Variants in SATB2 observed in about 807,000 individuals in gnomAD.
The protein encoded by SATB2 is DNA-binding protein SATB2.
Under a neutral mutation model 73.4 loss-of-function variants are expected in SATB2, and 1 was observed. The ratio of observed to expected loss-of-function variants is 0.01; its 90% confidence interval spans 0.00 to 0.06. The LOEUF (loss-of-function observed/expected upper bound fraction) is 0.06. Ranked by LOEUF, SATB2 falls within the 10% of genes least tolerant of loss-of-function variation. The pLI, the probability that SATB2 is intolerant of heterozygous loss-of-function variation, is 1.00. For missense variants in SATB2, 459 were observed against 945.8 expected, an observed-to-expected ratio of 0.49 and a Z score of 6.75; for synonymous variants, 397 against 367.0, an observed-to-expected ratio of 1.08 and a Z score of -0.93.
At chr2:199,301,191 G>A (rs1473386311) in intron 10 of SATB2, among the ~76,000 whole-genome samples, 1 of 152,092 alleles carries the variant, frequency 6.6e-6, no homozygotes, top group Admixed American at 6.5e-5. Flanking sequence ...TAAAAAGGTA[G>A]AATACTCTGG....
intron 10 of SATB2, among the ~76,000 whole-genome samples, chr2:199,279,917 G>A (rs1249153468): frequency 6.6e-6 from 1 of 152,198 alleles, no homozygotes; most frequent in Non-Finnish European, 1.5e-5. Flanking sequence ...AAGGCGGGCG[G>A]ATCACTTGAG....
intron 3 of SATB2, among the ~76,000 whole-genome samples, chr2:199,386,710 G>GCACA (rs1689961913): frequency 1.1e-5 from 1 of 90,568 alleles, no homozygotes; most frequent in African/African-American, 4.3e-5. Context: ...GCGCGCGCGC[G>GCACA]CGCGCGCACA....
intron 3 of SATB2, among the ~76,000 whole-genome samples, chr2:199,408,973 A>G (rs1009205505): frequency 6.6e-6 from 1 of 152,114 alleles, no homozygotes; most frequent in East Asian, 1.9e-4. Context: ...TTATGGCTCT[A>G]CGATAATCCC....
At chr2:199,389,279 TA>T (rs1213794477) in intron 3 of SATB2, among the ~76,000 whole-genome samples, 1 of 152,164 alleles carries the variant, frequency 6.6e-6, no homozygotes, top group Non-Finnish European at 1.5e-5. Flanking sequence ...CTTGTTGGAA[TA>T]AACCTAACTC....
chr2:199,371,107 T>C (rs892022600), intron 5 of SATB2, among the ~76,000 whole-genome samples: 2 of 152,166 alleles, frequency 1.3e-5, no homozygotes, highest in Admixed American at 1.3e-4. Flanking sequence ...TGATAAGAAT[T>C]GTTATAGTCC....
At chr2:199,417,478 A>G (rs1691029458) in intron 3 of SATB2, among the ~76,000 whole-genome samples, 1 of 152,218 alleles carries the variant, frequency 6.6e-6, no homozygotes, top group Non-Finnish European at 1.5e-5. Context: ...AATGGAAGGG[A>G]AAATCATCTG....
chr2:199,467,027 C>G (rs143562394), upstream of SATB2, among the ~76,000 whole-genome samples: 2,390 of 152,376 alleles, frequency 0.016, 33 homozygotes, highest in South Asian at 0.035. Flanking sequence ...ACGTGCGGCC[C>G]CGGCTGGCCG....
chr2:199,306,415 C>T (rs1687434178), intron 10 of SATB2, among the ~76,000 whole-genome samples: 1 of 152,122 alleles, frequency 6.6e-6, no homozygotes. Flanking sequence ...AGGTCAACAG[C>T]TGAGGCAAAT....
At chr2:199,418,489 T>A (rs1425002053) in intron 3 of SATB2, among the ~76,000 whole-genome samples, 1 of 152,192 alleles carries the variant, frequency 6.6e-6, no homozygotes, top group African/African-American at 2.4e-5. Context: ...GAAATTATTT[T>A]AAAAACTAAT....
chr2:199,423,431 T>C (rs1231528548), intron 3 of SATB2, among the ~76,000 whole-genome samples: 1 of 151,956 alleles, frequency 6.6e-6, no homozygotes, highest in Non-Finnish European at 1.5e-5. Context: ...AAAGTAAGAG[T>C]GGTAAAATTC....
intron 6 of SATB2, among the ~76,000 whole-genome samples, chr2:199,350,984 C>A (rs887697119): frequency 2.8e-5 from 4 of 145,014 alleles, no homozygotes; most frequent in Non-Finnish European, 6.0e-5. Flanking sequence ...GAGTAGAAAT[C>A]ACACCACTGC....
intron 7 of SATB2, among the ~76,000 whole-genome samples, chr2:199,332,869 A>C (rs1446466468): frequency 6.6e-6 from 1 of 152,130 alleles, no homozygotes; most frequent in Admixed American, 6.6e-5. Context: ...TGTCTGGGAC[A>C]GGTGAGAAAT....
chr2:199,454,243 T>G (rs1042000297), intron 2 of SATB2, among the ~76,000 whole-genome samples: 3 of 152,104 alleles, frequency 2.0e-5, no homozygotes, highest in Non-Finnish European at 4.4e-5. Context: ...ACAGCTCCTT[T>G]CAATTTAGTG....
chr2:199,381,972 G>A (rs1438068863), intron 3 of SATB2, 152 bp from the exon 4 acceptor site: 2 of 832,634 alleles, frequency 2.4e-6, no homozygotes, highest in Non-Finnish European at 3.9e-6. Context: ...TTTCTTTCTG[G>A]CCGACAATTG....
At chr2:199,291,895 A>G (rs1267146658) in intron 10 of SATB2, among the ~76,000 whole-genome samples, 1 of 152,070 alleles carries the variant, frequency 6.6e-6, no homozygotes, top group Non-Finnish European at 1.5e-5. Context: ...TGGGGGACAC[A>G]GCAAGACTCT....
In SATB2 at chr2:199,388,059, G is replaced by C. The variant is rs974504490; in HGVS notation, c.347-6239C>G. 3.3e-5 allele frequency among the ~76,000 whole-genome samples: 5 copies of C among 152,066 alleles called. No individual in the cohort carries two copies. The East Asian group carries it at 9.7e-4, about 29-fold the overall frequency. On this transcript the variant is annotated intron_variant, in intron 3 of 10. Transcript: ENST00000417098. Reference sequence around the variant, plus strand: ...TGCCTCTAATTATATAAAAACAAAAGAGTGGTGATAATACACATTATAGTC... The same window carrying C: ...TGCCTCTAATTATATAAAAACAAAACAGTGGTGATAATACACATTATAGTC...
chr2:199,399,860 T>G (rs1290526563), intron 3 of SATB2, among the ~76,000 whole-genome samples: 1 of 152,110 alleles, frequency 6.6e-6, no homozygotes, highest in African/African-American at 2.4e-5. Context: ...CCTCCAACAT[T>G]GGGGATTATA....
intron 5 of SATB2, among the ~76,000 whole-genome samples, chr2:199,379,686 T>TC (rs34719143): frequency 0.12 from 16,993 of 140,372 alleles, 1,157 homozygotes; most frequent in East Asian, 0.42. Flanking sequence ...TCTTTTCTTT[T>TC]TTTTTTTTTT....
At chr2:199,407,651 C>A (rs1382928287) in intron 3 of SATB2, among the ~76,000 whole-genome samples, 2 of 152,132 alleles carry the variant, frequency 1.3e-5, no homozygotes, top group Non-Finnish European at 2.9e-5. Flanking sequence ...TACCCAATTA[C>A]CCACCTATTT....
Sources: allele counts gnomAD v4.1 joint callset (sites outside exome capture counted in the v4.1 genomes callset), GRCh38; gene constraint gnomAD v4.1.1; transcripts MANE v1.5; gene names NCBI Gene and HGNC (gene_info 2026-07-23, HGNC 2026-07-21).